Variants in RYR2 observed in about 807,000 individuals in gnomAD.
The protein encoded by RYR2 is ryanodine receptor 2.
Under a neutral mutation model 601.1 loss-of-function variants are expected in RYR2, and 227 were observed. The ratio of observed to expected loss-of-function variants is 0.38; its 90% CI spans 0.34 to 0.42. The LOEUF (loss-of-function observed/expected upper bound fraction) is 0.42. Among genes scored for constraint, RYR2 ranks in the 10% least tolerant of loss-of-function variants. RYR2 has a pLI of 1.00. For missense variants in RYR2, 4,646 were observed against 6,156.5 expected, an observed-to-expected ratio of 0.75 and a Z score of 8.21; for synonymous variants, 2,223 against 2,175.1, an observed-to-expected ratio of 1.02 and a Z score of -0.61.
intron 13 of RYR2, among the ~76,000 whole-genome samples, chr1:237,444,717 A>G (rs562627049): frequency 6.6e-6 from 1 of 152,278 alleles, no homozygotes; most frequent in East Asian, 1.9e-4. Context: ...AGGAATGTTC[A>G]CTTGTGAAAA....
chr1:237,451,580 CA>C (rs3035864), intron 14 of RYR2, among the ~76,000 whole-genome samples: 50,637 of 119,854 alleles, frequency 0.42, 9,463 homozygotes, highest in East Asian at 0.56. Context: ...AACTCTGTCT[CA>C]AAAAAAAAAA....
At chr1:237,514,110 G>A (rs1019345203) in intron 24 of RYR2, among the ~76,000 whole-genome samples, 1 of 152,116 alleles carries the variant, frequency 6.6e-6, no homozygotes, top group Non-Finnish European at 1.5e-5. Flanking sequence ...CTTGACATGA[G>A]GCTTGTATAT....
chr1:237,287,769 C>T (rs1691723441), intron 2 of RYR2, among the ~76,000 whole-genome samples: 1 of 152,138 alleles, frequency 6.6e-6, no homozygotes, highest in Admixed American at 6.5e-5. Flanking sequence ...CTGGTCCCTC[C>T]TTGATTAGCT....
At position 237,595,608 on chromosome 1, in the gene RYR2, G is replaced by T; in HGVS notation, c.4547G>T (p.Gly1516Val). Residue 1516 changes from glycine (G) to valine (V), a missense_variant, in exon 34 of 105, where the codon GGG becomes GTG. By Grantham distance (109) the Gly-to-Val change is moderately radical (BLOSUM62 -3). Around this residue, in one of 17 missense-constraint regions of RYR2, gnomAD observed 1,807 missense variants for 2,088.1 expected, o/e 0.87. Transcript: ENST00000366574. Reference protein sequence around the residue: ...EIGCVVDAASGLLTFIANGKE... With the variant: ...EIGCVVDAASVLLTFIANGKE... ...GGCTGTGTGGTGGATGCTGCCAGCG[G>T]GCTGCTCACATTCATTGCCAATGGC... is the stretch of plus-strand genomic sequence containing the variant. The T allele has an allele frequency of 1.2e-6, 2 of 1,613,286 alleles. No homozygotes were observed. The highest frequency in any genetic ancestry group is 8.5e-7 in the Non-Finnish European group (1 of 1,179,622).
chr1:237,806,878 G>A (rs1294726283), intron 99 of RYR2, among the ~76,000 whole-genome samples: 1 of 152,170 alleles, frequency 6.6e-6, no homozygotes, highest in East Asian at 1.9e-4. Flanking sequence ...TGTTCTTAAT[G>A]TTAAGACTTC....
rs773965844 is a variant in RYR2 at position 237,709,483 on chromosome 1, A to C, written c.10146A>C (p.Ala3382=). ...LLIRFVDYNR[A]KWLKEPNPEA... ...CTTTATTTATTATGTGATCCAGGGC[A>C]AAGTGGCTAAAGGAGCCTAACCCAG... The change falls in exon 70 of 105, where the codon GCA becomes GCC. Residue 3382 remains alanine, a synonymous_variant. Transcript: ENST00000366574. 3.1e-6 allele frequency: 5 copies of C among 1,604,880 alleles called. No homozygotes were observed. The highest frequency in any genetic ancestry group is 4.3e-6 in the Non-Finnish European group (5 of 1,172,678).
At chr1:237,723,837 TTACAC>T (rs1324804969) in intron 74 of RYR2, among the ~76,000 whole-genome samples, 1 of 152,070 alleles carries the variant, frequency 6.6e-6, no homozygotes, top group African/African-American at 2.4e-5. Context: ...GTGTCCTACT[TTACAC>T]TACAAAGCTC....
At chr1:237,143,237 A>G (rs1673584092) in intron 1 of RYR2, among the ~76,000 whole-genome samples, 4 of 152,190 alleles carry the variant, frequency 2.6e-5, no homozygotes, top group African/African-American at 4.8e-5. Flanking sequence ...ACTCTCTGAG[A>G]ATTCCCATTG....
intron 25 of RYR2, among the ~76,000 whole-genome samples, chr1:237,546,997 T>TATA (rs58050661): frequency 0.13 from 10,707 of 81,196 alleles, 716 homozygotes; most frequent in Admixed American, 0.19. Flanking sequence ...ATATATATAT[T>TATA]TATTTATTTA....
chr1:237,303,292 CT>C (rs386370109), intron 2 of RYR2, among the ~76,000 whole-genome samples: 325 of 85,246 alleles, frequency 3.8e-3, no homozygotes, highest in South Asian at 0.012. Context: ...CTGCGGTTAT[CT>C]TTTTTTTTTT....
rs1668652620 is a variant in RYR2 at position 237,106,120 on chromosome 1, C to A, written c.48+63551C>A. 6.6e-6 allele frequency among the ~76,000 whole-genome samples: 1 copy of A among 152,104 alleles called. No individual in the cohort carries two copies. The highest frequency in any genetic ancestry group is 2.1e-4 in the South Asian group (1 of 4,826). Reference sequence around the variant, plus strand: ...CTTGAGGGCTGTTGAGAGGACTGGGCTCTTGCTATTACTTTTAGCCATATG... The same window carrying A: ...CTTGAGGGCTGTTGAGAGGACTGGGATCTTGCTATTACTTTTAGCCATATG... On this transcript the variant is annotated intron_variant, in intron 1 of 104. Coordinates refer to ENST00000366574, the MANE Select transcript of RYR2 (RefSeq NM_001035.3). This position sits in a 1 kb window ranked among gnomAD's most constrained non-coding sequence, Gnocchi z 4.4.
intron 27 of RYR2, among the ~76,000 whole-genome samples, chr1:237,554,478 T>G (rs1479562711): frequency 6.6e-6 from 1 of 151,916 alleles, no homozygotes; most frequent in Non-Finnish European, 1.5e-5. Context: ...TTTGTTAGAT[T>G]TTGATATCAA....
At chr1:237,579,227 G>A (rs1388957663) in intron 29 of RYR2, among the ~76,000 whole-genome samples, 1 of 149,562 alleles carries the variant, frequency 6.7e-6, no homozygotes, top group Non-Finnish European at 1.5e-5. Flanking sequence ...GCCACGTGAG[G>A]ATAATTTACT....
chr1:237,344,839 G>C (rs946882346), intron 3 of RYR2, among the ~76,000 whole-genome samples: 10 of 151,704 alleles, frequency 6.6e-5, no homozygotes, highest in Non-Finnish European at 2.9e-5. Flanking sequence ...ACAGAGTCTC[G>C]CTCTGTCACT....
chr1:237,230,927 CA>C (rs34596432), intron 1 of RYR2, among the ~76,000 whole-genome samples: 102 of 105,796 alleles, frequency 9.6e-4, no homozygotes, highest in Middle Eastern at 5.2e-3. Flanking sequence ...AGACTCGTCT[CA>C]AAAAAAAAAA....
intron 92 of RYR2, among the ~76,000 whole-genome samples, chr1:237,790,370 C>T (rs1658227606): frequency 1.3e-5 from 2 of 152,186 alleles, no homozygotes; most frequent in African/African-American, 4.8e-5. Context: ...ACCATTAAGT[C>T]CAATCCACCA....
At chr1:237,428,757 TA>T (rs56723155) in intron 12 of RYR2, among the ~76,000 whole-genome samples, 113,372 of 146,720 alleles carry the variant, frequency 0.77, 44,208 homozygotes, top group East Asian at 0.99. Flanking sequence ...CCTGGAACAT[TA>T]AAAAAAAAAA....
At chr1:237,108,295 C>G (rs573615358) in intron 1 of RYR2, among the ~76,000 whole-genome samples, 1 of 152,252 alleles carries the variant, frequency 6.6e-6, no homozygotes, top group East Asian at 1.9e-4. Flanking sequence ...GTATATGATA[C>G]TCCCCTTTCC....
chr1:237,527,816 A>G (rs575419884), intron 24 of RYR2, among the ~76,000 whole-genome samples: 3 of 152,328 alleles, frequency 2.0e-5, no homozygotes, highest in East Asian at 1.9e-4. Context: ...AAACATGTGC[A>G]GTAGTACTCC....
Sources: gnomAD v4.1 joint callset for allele counts (sites outside exome capture counted in the v4.1 genomes callset) on GRCh38, gnomAD v4.1.1 for gene constraint, gnomAD v4.1.1 regional missense constraint, Gnocchi (gnomAD v3.1) non-coding constraint, MANE v1.5 for transcripts, NCBI Gene and HGNC (gene_info 2026-07-23, HGNC 2026-07-21) for gene names.